The following RNLS variants were observed in gnomAD, a reference collection of about 807,000 sequenced individuals.
The protein encoded by RNLS is renalase.
In RNLS, 39 loss-of-function variants were observed where a neutral mutation model predicts 39.8. The ratio of observed to expected loss-of-function variants is 0.98; its 90% CI spans 0.76 to 1.28. The LOEUF is 1.28. RNLS is among the 50% of genes most tolerant of loss of function. The probability of loss-of-function intolerance (pLI) is 0.00; values close to 1 mark genes in which losing one functional copy is unlikely to be tolerated. For synonymous variants in RNLS, 147 were observed against 150.7 expected (o/e 0.98, Z 0.18); for missense variants, 410 against 413.3 (o/e 0.99, Z 0.07).
intron 4 of RNLS, among the ~76,000 whole-genome samples, chr10:88,498,785 T>C (rs1270872996): frequency 1.3e-5 from 2 of 151,968 alleles, no homozygotes; most frequent in Admixed American, 6.6e-5. Context: ...CGTAGAGAGA[T>C]TGATAAAACA....
intron 4 of RNLS, among the ~76,000 whole-genome samples, chr10:88,444,463 T>A (rs1466261439): frequency 6.6e-6 from 1 of 152,090 alleles, no homozygotes; most frequent in African/African-American, 2.4e-5. Flanking sequence ...AGAACAAAGC[T>A]GGACAGAGAA....
At chr10:88,186,164 C>T in the RNLS span, among the ~76,000 whole-genome samples, 1 of 152,132 alleles carries the variant, frequency 6.6e-6, no homozygotes, top group South Asian at 2.1e-4. Context: ...TTGAAACAAA[C>T]CCAATGCTTT....
chr10:88,269,380 A>T (rs1210570828), downstream of RNLS, among the ~76,000 whole-genome samples: 1 of 152,130 alleles, frequency 6.6e-6, no homozygotes, highest in Non-Finnish European at 1.5e-5. Context: ...TATGCATGAA[A>T]CTATTTTATT....
chr10:88,488,118 T>C (rs754758832), intron 4 of RNLS, among the ~76,000 whole-genome samples: 1 of 151,910 alleles, frequency 6.6e-6, no homozygotes, highest in African/African-American at 2.4e-5. Context: ...ATGAGGAAAT[T>C]TGGGGGAGTA....
chr10:88,526,807 A>G (rs1334760018), intron 4 of RNLS, among the ~76,000 whole-genome samples: 1 of 152,018 alleles, frequency 6.6e-6, no homozygotes, highest in South Asian at 2.1e-4. Context: ...AGTAGAAAAG[A>G]TAACTGCCCT....
chr10:88,278,455 C>T (rs369698501), intron 6 of RNLS, among the ~76,000 whole-genome samples: 3 of 151,956 alleles, frequency 2.0e-5, no homozygotes, highest in African/African-American at 4.8e-5. Context: ...TAAAAAGTAT[C>T]GAAAAAATAA....
At chr10:88,222,323 T>C in the RNLS span, among the ~76,000 whole-genome samples, 1 of 152,142 alleles carries the variant, frequency 6.6e-6, no homozygotes, top group Non-Finnish European at 1.5e-5. Flanking sequence ...CTGGGACATG[T>C]CATTCTGTGT....
intron 4 of RNLS, among the ~76,000 whole-genome samples, chr10:88,425,662 A>AT (rs554025228): frequency 1.3e-4 from 20 of 152,172 alleles, no homozygotes; most frequent in African/African-American, 4.6e-4. Context: ...CTGTTTAAGT[A>AT]TTTTTCTTAA....
chr10:88,267,358 C>T, the RNLS span, among the ~76,000 whole-genome samples: 1 of 152,118 alleles, frequency 6.6e-6, no homozygotes, highest in Non-Finnish European at 1.5e-5. Flanking sequence ...AGGAGGATTG[C>T]TTGATCCCAG....
intron 4 of RNLS, among the ~76,000 whole-genome samples, chr10:88,497,780 A>C (rs184627667): frequency 1.1e-3 from 175 of 152,270 alleles, no homozygotes; most frequent in Admixed American, 0.011. Context: ...GGGAGAAAAG[A>C]AGCACCTGTC....
chr10:88,280,079 C>T (rs574254818), downstream of RNLS, among the ~76,000 whole-genome samples: 89 of 152,042 alleles, frequency 5.9e-4, no homozygotes, highest in Non-Finnish European at 1.0e-3. Flanking sequence ...TCAGAGGCAC[C>T]GGGTTAAACT....
At chr10:88,251,078 T>C in the RNLS span, among the ~76,000 whole-genome samples, 1 of 152,226 alleles carries the variant, frequency 6.6e-6, no homozygotes, top group African/African-American at 2.4e-5. Context: ...ATAAAATGCT[T>C]GCATATTCAG....
At chr10:88,360,196 C>A (rs1031049883) in intron 5 of RNLS, among the ~76,000 whole-genome samples, 3 of 152,156 alleles carry the variant, frequency 2.0e-5, no homozygotes, top group South Asian at 2.1e-4. Flanking sequence ...GTACTTCCTT[C>A]CTTCTTCCTA....
chr10:88,292,933 C>G (rs1843775532), intron 6 of RNLS, among the ~76,000 whole-genome samples: 2 of 151,960 alleles, frequency 1.3e-5, no homozygotes, highest in South Asian at 4.2e-4. Flanking sequence ...TGCCTGTAAT[C>G]CCAGCTACTT....
chr10:88,486,181 A>C (rs1285991527), intron 4 of RNLS, among the ~76,000 whole-genome samples: 5 of 152,130 alleles, frequency 3.3e-5, no homozygotes, highest in Non-Finnish European at 1.5e-5. Flanking sequence ...CAGAAAATTG[A>C]AACTGGGCCC....
chr10:88,348,342 C>T (rs1262894100), intron 5 of RNLS, among the ~76,000 whole-genome samples: 6 of 152,172 alleles, frequency 3.9e-5, no homozygotes, highest in Non-Finnish European at 8.8e-5. Context: ...ACTCAGTCCC[C>T]ACCACATCTG....
intron 4 of RNLS, among the ~76,000 whole-genome samples, chr10:88,510,281 A>G (rs1477795557): frequency 6.6e-6 from 1 of 152,170 alleles, no homozygotes; most frequent in Non-Finnish European, 1.5e-5. Context: ...TTAAAGAAAA[A>G]AAAAATGAGG....
chr10:88,253,264 A>G, the RNLS span, among the ~76,000 whole-genome samples: 4 of 152,190 alleles, frequency 2.6e-5, no homozygotes, highest in Admixed American at 1.3e-4. Context: ...CAATGCTCAC[A>G]AAGTTGCTTC....
the RNLS span, among the ~76,000 whole-genome samples, chr10:88,229,594 G>T: frequency 1.3e-5 from 2 of 152,084 alleles, no homozygotes; most frequent in Non-Finnish European, 2.9e-5. Context: ...GAATTGTGTG[G>T]CCATAACCAC....
Sources: gnomAD v4.1 joint callset for allele counts (sites outside exome capture counted in the v4.1 genomes callset) on GRCh38, gnomAD v4.1.1 for gene constraint, MANE v1.5 for transcripts, NCBI Gene and HGNC (gene_info 2026-07-23, HGNC 2026-07-21) for gene names.